Variants in ELF5 observed in about 807,000 individuals in gnomAD.
ELF5 encodes E74 like ETS transcription factor 5.
A neutral mutation model predicts 38.2 loss-of-function variants in ELF5; 31 were observed. The observed-to-expected ratio is 0.81, with a 90% CI of 0.61 to 1.10. The LOEUF is 1.10. Ranked by LOEUF, ELF5 falls within the 50% of genes least tolerant of loss-of-function variation. The pLI, the probability that ELF5 is intolerant of heterozygous loss-of-function variation, is 0.00. For synonymous variants in ELF5, 121 were observed against 112.5 expected, an observed-to-expected ratio of 1.08 and a Z score of -0.48; for missense variants, 300 against 306.6, an observed-to-expected ratio of 0.98 and a Z score of 0.16.
intron 2 of ELF5, among the ~76,000 whole-genome samples, chr11:34,503,627 T>A (rs1850530886): frequency 6.6e-6 from 1 of 152,036 alleles, no homozygotes; most frequent in South Asian, 2.1e-4. Context: ...TTTTAAACAA[T>A]TTTTTGTAGA....
chr11:34,510,371 A>G (rs1271660004), intron 1 of ELF5, among the ~76,000 whole-genome samples: 1 of 151,762 alleles, frequency 6.6e-6, no homozygotes, highest in Admixed American at 6.6e-5. Context: ...GGCTCTCCAC[A>G]AAAGACCTTG....
At chr11:34,512,684 G>GT (rs1590348003) in intron 1 of ELF5, among the ~76,000 whole-genome samples, 1 of 151,688 alleles carries the variant, frequency 6.6e-6, no homozygotes, top group East Asian at 1.9e-4. Flanking sequence ...CATCAACAAT[G>GT]TATCTAAAAA....
intron 1 of ELF5, among the ~76,000 whole-genome samples, chr11:34,508,846 G>C (rs778492565): frequency 6.6e-6 from 1 of 152,332 alleles, no homozygotes; most frequent in South Asian, 2.1e-4. Context: ...AAGTGGCAGG[G>C]AGGTCCTTAG....
In ELF5 at chr11:34,490,104, G is replaced by T. The variant is rs1305534992; in HGVS notation, c.356-45C>A. The T allele has an allele frequency of 4.4e-6, 7 of 1,607,242 alleles. No individual in the cohort carries two copies. The East Asian group carries it at 1.6e-4, about 36-fold the overall frequency. On this transcript the variant is annotated intron_variant, in intron 3 of 6. Transcript: ENST00000257832. ...CCAGAAACCATACCATGCAATCCTGGTTTCCACTGGCCAGGCCAGGAGAGG... is the reference window on the plus strand; with the variant it reads ...CCAGAAACCATACCATGCAATCCTGTTTTCCACTGGCCAGGCCAGGAGAGG...
Position 34,505,719 on chromosome 11 carries a change from G to A in ELF5, c.31C>T (p.Leu11=), listed in dbSNP as rs2231820. 4.9e-5 allele frequency: 79 copies of A among 1,614,086 alleles called. No homozygotes were observed. In the African/African-American group the frequency reaches 1.0e-3, roughly 21 times the overall value. Residue 11 remains leucine, a synonymous_variant, in exon 2 of 7, where the codon CTG becomes TTG. Coordinates refer to ENST00000257832, the MANE Select transcript of ELF5 (RefSeq NM_001422.4). MLDSVTHSTF[L]PNASFCDPLM... is the part of the protein sequence containing the mutation. ...GGATCGCAGAAGGATGCATTAGGCA[G>A]GAAGGTGCTGTGTGTCACCGAGTCC...
At chr11:34,490,883 A>G (rs1440478300) in intron 3 of ELF5, among the ~76,000 whole-genome samples, 1 of 152,096 alleles carries the variant, frequency 6.6e-6, no homozygotes, top group East Asian at 1.9e-4. Flanking sequence ...CAAAGGGCCG[A>G]CTGAGAACAG....
rs373572843 is a variant in ELF5 at position 34,480,756 on chromosome 11, T to C, written c.671+16A>G. The C allele has an allele frequency of 6.2e-7, 1 of 1,611,838 alleles. No homozygotes were observed. ...CTCTTCTTGAAGGCTCATAGTATTTTATGCTATTAACTTACCTCAGGGCTC... is the reference window on the plus strand; with the variant it reads ...CTCTTCTTGAAGGCTCATAGTATTTCATGCTATTAACTTACCTCAGGGCTC... On this transcript the variant is annotated intron_variant, in intron 6 of 6. Coordinates refer to ENST00000257832, the MANE Select transcript of ELF5 (RefSeq NM_001422.4).
At chr11:34,489,157 A>C (rs903757793) in intron 4 of ELF5, among the ~76,000 whole-genome samples, 1 of 152,246 alleles carries the variant, frequency 6.6e-6, no homozygotes, top group Non-Finnish European at 1.5e-5. Context: ...AAGCACCAAA[A>C]ACAAAACGAA....
chr11:34,503,525 T>G (rs1850526244), intron 2 of ELF5, among the ~76,000 whole-genome samples: 1 of 151,978 alleles, frequency 6.6e-6, no homozygotes, highest in African/African-American at 2.4e-5. Context: ...TGCAGCTCAC[T>G]GCAGCCTCGG....
chr11:34,511,019 C>G (rs1372529280), intron 1 of ELF5, among the ~76,000 whole-genome samples: 1 of 152,184 alleles, frequency 6.6e-6, no homozygotes, highest in Non-Finnish European at 1.5e-5. Context: ...CTCCAAATCT[C>G]AGTTCTTCAA....
chr11:34,485,805 G>A (rs1849978212), intron 4 of ELF5, among the ~76,000 whole-genome samples: 1 of 152,140 alleles, frequency 6.6e-6, no homozygotes, highest in South Asian at 2.1e-4. Flanking sequence ...TTAATACTGA[G>A]GCAGGTTCCC....
Position 34,479,803 on chromosome 11 carries a change from C to A in ELF5, c.*415G>T, listed in dbSNP as rs761274097. 4.1e-4 allele frequency: 67 copies of A among 161,710 alleles called. No individual in the cohort carries two copies. Among genetic ancestry groups the A allele is most frequent in the Non-Finnish European group, 2.0e-4 (15 of 74,446 alleles). 10.0% of individuals were successfully genotyped at this position (161,710 alleles called of 1,614,324 possible). ...TACCATAACCTGCAAACTAATCATG[C>A]TTTCCCCCACCTTTGGTGAGCTGCC... On this transcript the variant is annotated 3_prime_UTR_variant, in exon 7 of 7. Transcript: ENST00000257832.
At chr11:34,496,813 CG>C (rs1032000868) in intron 2 of ELF5, among the ~76,000 whole-genome samples, 1 of 152,220 alleles carries the variant, frequency 6.6e-6, no homozygotes, top group Admixed American at 6.5e-5. Flanking sequence ...ATTGCCGTTC[CG>C]GGGACTGACG....
At chr11:34,485,175 G>A (rs181781698) in intron 4 of ELF5, among the ~76,000 whole-genome samples, 249 of 144,188 alleles carry the variant, frequency 1.7e-3, no homozygotes, top group African/African-American at 5.4e-3. Context: ...AGGAGGGATT[G>A]GAAGTCCAGA....
intron 6 of ELF5, among the ~76,000 whole-genome samples, 187 bp downstream of exon 6, chr11:34,480,585 C>G (rs954531200): frequency 3.3e-5 from 5 of 152,078 alleles, no homozygotes; most frequent in Non-Finnish European, 5.9e-5. Context: ...GGAATGCTGC[C>G]AAGAATGCTA....
intron 3 of ELF5, chr11:34,492,236 T>C (rs1590329588): frequency 1.3e-5 from 2 of 152,454 alleles, no homozygotes. Context: ...ACTGGAGTTT[T>C]GGCTCCCAGG....
In ELF5 at chr11:34,488,867, A is replaced by T. The variant is rs74954244; in HGVS notation, c.406+1142T>A. Among the ~76,000 whole-genome samples the T allele has an allele frequency of 3.9e-3, 595 of 152,310 alleles. 6 individuals carry two copies. The highest frequency in any genetic ancestry group is 0.014 in the African/African-American group (563 of 41,584). On this transcript the variant is annotated intron_variant, in intron 4 of 6. Coordinates refer to ENST00000257832, the MANE Select transcript of ELF5 (RefSeq NM_001422.4). ...AATGTCTCCCAGGCTTCACAGGCTC[A>T]TTTCTTCCAGGGGCTTTGACTGGGT...
chr11:34,494,766 T>G (rs952574359), intron 2 of ELF5, among the ~76,000 whole-genome samples: 1 of 152,230 alleles, frequency 6.6e-6, no homozygotes, highest in Admixed American at 6.5e-5. Context: ...TGGAAAACAT[T>G]CATTCATTTA....
intron 4 of ELF5, among the ~76,000 whole-genome samples, chr11:34,488,408 T>C (rs1210517338): frequency 1.3e-5 from 2 of 152,204 alleles, no homozygotes; most frequent in Non-Finnish European, 2.9e-5. Flanking sequence ...TCTAAGCATG[T>C]CACCTTTAAC....
Sources: allele counts gnomAD v4.1 joint callset (sites outside exome capture counted in the v4.1 genomes callset), GRCh38; gene constraint gnomAD v4.1.1; transcripts MANE v1.5; gene names NCBI Gene and HGNC (gene_info 2026-07-23, HGNC 2026-07-21).